Variants in EYS observed in about 807,000 individuals in gnomAD.
The protein encoded by EYS is protein eyes shut homolog.
Under a neutral mutation model 282.1 loss-of-function variants are expected in EYS, and 250 were observed. That is an observed-to-expected ratio of 0.89 (90% CI 0.80 to 0.98). EYS has a LOEUF of 0.98. Among genes scored for constraint, EYS ranks in the 50% least tolerant of loss-of-function variants. EYS has a pLI of 0.00. For synonymous variants in EYS, 1,355 were observed against 1,282.9 expected, an observed-to-expected ratio of 1.06 and a Z score of -1.20; for missense variants, 4,016 against 3,709.0, an observed-to-expected ratio of 1.08 and a Z score of -2.15.
At chr6:65,333,965 T>G (rs1423459337) in intron 11 of EYS, among the ~76,000 whole-genome samples, 1 of 150,934 alleles carries the variant, frequency 6.6e-6, no homozygotes, top group Non-Finnish European at 1.5e-5. Context: ...ATCTAAAGTG[T>G]CTTCCGTAAA....
Position 65,002,043 on chromosome 6 carries a change from C to T in EYS, c.2138-4340G>A, listed in dbSNP as rs538004993. Reference sequence around the variant, plus strand: ...CATATATTAAAATATTTATGAAGAACTTTTAAAAGTCAAATATAATACATT... The same window carrying T: ...CATATATTAAAATATTTATGAAGAATTTTTAAAAGTCAAATATAATACATT... On this transcript the variant is annotated intron_variant, in intron 13 of 42. Transcript: ENST00000503581. Among the ~76,000 whole-genome samples the T allele has an allele frequency of 7.8e-4, 44 of 56,116 alleles. 2 individuals are homozygous for T. The highest frequency in any genetic ancestry group is 0.017 in the Middle Eastern group (2 of 118). The allele number at this position is 56,116 out of a possible 152,430, so 36.8% of individuals were successfully genotyped here.
At chr6:65,023,219 T>C (rs181359016) in intron 13 of EYS, among the ~76,000 whole-genome samples, 179 of 152,246 alleles carry the variant, frequency 1.2e-3, no homozygotes, top group Middle Eastern at 3.4e-3. Flanking sequence ...TAAGTTAATA[T>C]TATCTTTTTA....
chr6:64,895,725 T>C (rs1767438935), intron 18 of EYS, among the ~76,000 whole-genome samples: 1 of 152,184 alleles, frequency 6.6e-6, no homozygotes, highest in Non-Finnish European at 1.5e-5. Flanking sequence ...GTAGCAGACA[T>C]GGCTTATTTA....
intron 2 of EYS, among the ~76,000 whole-genome samples, chr6:65,515,623 G>A (rs1767097265): frequency 1.3e-5 from 2 of 151,782 alleles, no homozygotes; most frequent in Non-Finnish European, 2.9e-5. Context: ...AAAAAATGAT[G>A]CGTTCATGTC....
intron 26 of EYS, among the ~76,000 whole-genome samples, chr6:64,509,148 G>T (rs1023765188): frequency 2.0e-5 from 3 of 152,018 alleles, no homozygotes; most frequent in Non-Finnish European, 4.4e-5. Context: ...CAAACACAGA[G>T]CTGTGACAAG....
intron 12 of EYS, among the ~76,000 whole-genome samples, chr6:65,111,202 T>G (rs1279035885): frequency 6.6e-6 from 1 of 152,138 alleles, no homozygotes; most frequent in Admixed American, 6.5e-5. Flanking sequence ...TATTATAAAT[T>G]ATGACTTCTT....
intron 26 of EYS, among the ~76,000 whole-genome samples, chr6:64,524,948 G>C (rs1186789934): frequency 6.6e-6 from 1 of 151,812 alleles, no homozygotes; most frequent in Non-Finnish European, 1.5e-5. Context: ...CCAATTATTA[G>C]AGAAGTGCAT....
At chr6:65,583,152 T>C (rs1409025282) in intron 2 of EYS, among the ~76,000 whole-genome samples, 1 of 152,116 alleles carries the variant, frequency 6.6e-6, no homozygotes, top group Non-Finnish European at 1.5e-5. Context: ...TGTTAGATAA[T>C]ACTGCTGTAA....
At chr6:64,973,397 C>T (rs1011154947) in intron 14 of EYS, among the ~76,000 whole-genome samples, 16 of 151,992 alleles carry the variant, frequency 1.1e-4, no homozygotes, top group African/African-American at 3.4e-4. Flanking sequence ...TCATCATAGT[C>T]TGTGCTGTGA....
chr6:64,335,356 G>A (rs891075367), intron 29 of EYS, among the ~76,000 whole-genome samples: 3 of 142,724 alleles, frequency 2.1e-5, no homozygotes, highest in African/African-American at 5.2e-5. Context: ...ATTCCTCAAA[G>A]TTTATTACAG....
intron 12 of EYS, among the ~76,000 whole-genome samples, chr6:65,178,501 G>A (rs1200517369): frequency 6.6e-6 from 1 of 152,002 alleles, no homozygotes; most frequent in Admixed American, 6.6e-5. Flanking sequence ...AATTCAACAA[G>A]AAGAGCTAAC....
chr6:65,509,588 T>C (rs377282430), intron 2 of EYS, among the ~76,000 whole-genome samples: 14 of 152,302 alleles, frequency 9.2e-5, no homozygotes, highest in African/African-American at 2.6e-4. Context: ...GTGTTTAGAG[T>C]GCTTTAAACA....
At chr6:64,594,491 C>A (rs974635761) in intron 24 of EYS, among the ~76,000 whole-genome samples, 7 of 151,996 alleles carry the variant, frequency 4.6e-5, no homozygotes, top group Non-Finnish European at 1.0e-4. Flanking sequence ...CACATAGACA[C>A]CATGGAATAC....
chr6:65,668,182 T>G (rs1463911185), intron 1 of EYS, among the ~76,000 whole-genome samples: 1 of 151,946 alleles, frequency 6.6e-6, no homozygotes, highest in Non-Finnish European at 1.5e-5. Flanking sequence ...CTTTATACTG[T>G]GAATCTTAGT....
intron 31 of EYS, among the ~76,000 whole-genome samples, chr6:64,120,694 G>T (rs1773557593): frequency 6.6e-6 from 1 of 152,136 alleles, no homozygotes; most frequent in Admixed American, 6.5e-5. Flanking sequence ...TTATGGGATG[G>T]TGCTTATAGG....
rs192801733 is a variant in EYS at position 64,573,077 on chromosome 6, T to G, written c.5644+17146A>C. Among the ~76,000 whole-genome samples the G allele has an allele frequency of 8.7e-4, 133 of 152,090 alleles. 2 individuals carry two copies. In the East Asian group the frequency reaches 0.022, roughly 25 times the overall value. On this transcript the variant is annotated intron_variant, in intron 26 of 42. Coordinates refer to ENST00000503581, the MANE Select transcript of EYS (RefSeq NM_001142800.2). The stretch of plus-strand genomic sequence containing the variant: ...CATGGGACTGGCACCAAAACAGACA[T>G]ACAGACCAATGGAACAGAATAGAGG...
chr6:65,174,671 A>T (rs1473596317), intron 12 of EYS, among the ~76,000 whole-genome samples: 1 of 151,362 alleles, frequency 6.6e-6, no homozygotes. Flanking sequence ...AAAATAGCTG[A>T]CATTCATGTT....
intron 35 of EYS, among the ~76,000 whole-genome samples, chr6:63,905,577 G>T (rs1378975867): frequency 6.6e-6 from 1 of 151,968 alleles, no homozygotes; most frequent in Non-Finnish European, 1.5e-5. Context: ...TGATCCACCC[G>T]CCTCTGCCTC....
chr6:64,486,597 G>A (rs1776584659), intron 26 of EYS, among the ~76,000 whole-genome samples: 1 of 151,418 alleles, frequency 6.6e-6, no homozygotes, highest in Non-Finnish European at 1.5e-5. Flanking sequence ...CATGCGGTCT[G>A]TATGTTAAAA....
Sources: gnomAD v4.1 joint callset for allele counts (sites outside exome capture counted in the v4.1 genomes callset) on GRCh38, gnomAD v4.1.1 for gene constraint, MANE v1.5 for transcripts, NCBI Gene and HGNC (gene_info 2026-07-23, HGNC 2026-07-21) for gene names.